Variants in KCNH1 observed in about 807,000 individuals in gnomAD.
KCNH1 encodes voltage-gated delayed rectifier potassium channel KCNH1.
In KCNH1, 27 loss-of-function variants were observed where a neutral mutation model predicts 69.2. The ratio of observed to expected loss-of-function variants is 0.39; its 90% CI spans 0.29 to 0.54. The LOEUF (loss-of-function observed/expected upper bound fraction) is 0.54. KCNH1 is among the 20% of genes least tolerant of loss of function. The pLI is 0.68. For missense variants in KCNH1, 798 were observed against 1,261.6 expected, an observed-to-expected ratio of 0.63 and a Z score of 5.57; for synonymous variants, 456 against 487.7, an observed-to-expected ratio of 0.93 and a Z score of 0.86.
chr1:210,980,365 G>T (rs1360660296), intron 6 of KCNH1, among the ~76,000 whole-genome samples: 1 of 152,140 alleles, frequency 6.6e-6, no homozygotes, highest in African/African-American at 2.4e-5. Flanking sequence ...AACAGGATTT[G>T]CTGCCTTAAG....
intron 7 of KCNH1, chr1:210,861,380 A>G: frequency 1.3e-6 from 1 of 778,618 alleles, no homozygotes; most frequent in East Asian, 2.4e-5. Context: ...AACTTGCTGG[A>G]CACCAACAAC....
chr1:210,861,677 T>C, intron 7 of KCNH1: 9 of 773,398 alleles, frequency 1.2e-5, no homozygotes, highest in South Asian at 1.1e-4. Flanking sequence ...TAGAAGATCT[T>C]GAATATTTGT....
chr1:210,874,367 G>C (rs1267357910), intron 7 of KCNH1, among the ~76,000 whole-genome samples: 4 of 152,192 alleles, frequency 2.6e-5, no homozygotes, highest in Admixed American at 2.0e-4. Flanking sequence ...CTATTACTTA[G>C]AGCTGAAAGC....
chr1:211,027,883 C>T (rs1689712864), intron 5 of KCNH1, among the ~76,000 whole-genome samples: 1 of 152,074 alleles, frequency 6.6e-6, no homozygotes, highest in Non-Finnish European at 1.5e-5. Flanking sequence ...CTCTCAACAA[C>T]TGATAGAGCA....
intron 7 of KCNH1, among the ~76,000 whole-genome samples, chr1:210,909,566 G>A (rs1271938700): frequency 2.0e-5 from 3 of 152,202 alleles, no homozygotes; most frequent in East Asian, 3.9e-4. Context: ...AACGGGCCCA[G>A]GACTTAAGTA....
intron 10 of KCNH1, among the ~76,000 whole-genome samples, chr1:210,689,908 G>A (rs1681492117): frequency 6.6e-6 from 1 of 152,220 alleles, no homozygotes; most frequent in Non-Finnish European, 1.5e-5. Context: ...CAGGTCTGCT[G>A]ACCAGGCTCT....
chr1:210,788,309 C>T (rs1426423387), intron 9 of KCNH1, among the ~76,000 whole-genome samples: 2 of 152,120 alleles, frequency 1.3e-5, no homozygotes, highest in Non-Finnish European at 2.9e-5. Context: ...GTTAAGGTTA[C>T]TCTATATATA....
intron 6 of KCNH1, among the ~76,000 whole-genome samples, chr1:210,937,063 C>A (rs1292610055): frequency 1.3e-5 from 2 of 152,178 alleles, no homozygotes; most frequent in Admixed American, 6.5e-5. Context: ...ACTCTAACAA[C>A]CTTGCTCCCT....
intron 8 of KCNH1, among the ~76,000 whole-genome samples, chr1:210,799,848 A>G (rs1385835991): frequency 6.6e-5 from 10 of 151,952 alleles, no homozygotes; most frequent in Non-Finnish European, 1.5e-4. Flanking sequence ...TCACCTCACC[A>G]CTGATGGCTT....
intron 7 of KCNH1, among the ~76,000 whole-genome samples, chr1:210,880,314 G>C (rs1441628758): frequency 6.6e-6 from 1 of 152,080 alleles, no homozygotes; most frequent in African/African-American, 2.4e-5. Flanking sequence ...AAAACTAGAG[G>C]AGTGACACCA....
intron 3 of KCNH1, among the ~76,000 whole-genome samples, chr1:211,101,942 G>A (rs1444897187): frequency 1.3e-5 from 2 of 152,128 alleles, no homozygotes; most frequent in African/African-American, 4.8e-5. Flanking sequence ...TGATGCCCAG[G>A]CTGACATGCC....
chr1:211,010,610 T>A (rs61850228), intron 6 of KCNH1, among the ~76,000 whole-genome samples: 32,419 of 151,970 alleles, frequency 0.21, 4,400 homozygotes, highest in East Asian at 0.39. Context: ...AGACTAAACC[T>A]AGTCATCTCT....
At chr1:210,816,554 T>C (rs563660539) in intron 7 of KCNH1, among the ~76,000 whole-genome samples, 61 of 152,214 alleles carry the variant, frequency 4.0e-4, no homozygotes, top group Non-Finnish European at 4.9e-4. Context: ...TTGAGCTCGC[T>C]GAGTTCTTGA....
At position 210,801,584 on chromosome 1, in the gene KCNH1, C is replaced by T. The variant is rs150434385; in HGVS notation, c.1662+2383G>A. ...GAGAGGAAGAGAGGGCAAATGCTGA[C>T]GGTGCTGTCTCCCATGGGCAGCCAC... On this transcript the variant is annotated intron_variant, in intron 8 of 10. Coordinates refer to ENST00000271751, the MANE Select transcript of KCNH1 (RefSeq NM_172362.3). 8.8e-4 allele frequency among the ~76,000 whole-genome samples: 134 copies of T among 152,326 alleles called. 2 individuals are homozygous for T. Among genetic ancestry groups the T allele is most frequent in the South Asian group, 1.7e-3 (8 of 4,830 alleles).
intron 1 of KCNH1, chr1:211,132,999 C>T (rs1469671640): frequency 1.3e-5 from 2 of 152,224 alleles, no homozygotes; most frequent in African/African-American, 4.8e-5. Context: ...AGGACTCTCG[C>T]CTCTCAAGGC....
intron 6 of KCNH1, among the ~76,000 whole-genome samples, chr1:210,937,023 T>C (rs910325514): frequency 1.3e-5 from 2 of 152,168 alleles, no homozygotes; most frequent in African/African-American, 2.4e-5. Context: ...ACTCTGTTAA[T>C]TACATCACTT....
chr1:211,022,439 A>G (rs930426759), intron 5 of KCNH1, among the ~76,000 whole-genome samples: 3 of 152,216 alleles, frequency 2.0e-5, no homozygotes, highest in African/African-American at 7.2e-5. Context: ...GGTAAACCTC[A>G]AAAGTACAGG....
At chr1:210,833,406 C>T (rs1685207868) in intron 7 of KCNH1, among the ~76,000 whole-genome samples, 1 of 152,040 alleles carries the variant, frequency 6.6e-6, no homozygotes, top group African/African-American at 2.4e-5. Context: ...TGATCTTTGA[C>T]AAACCTGAGA....
At position 210,831,094 on chromosome 1, in the gene KCNH1, C is replaced by T. The variant is rs572621048; in HGVS notation, c.1463-26928G>A. Among the ~76,000 whole-genome samples the T allele has an allele frequency of 3.2e-4, 48 of 152,304 alleles. 1 individual carries two copies. The South Asian group carries it at 9.5e-3, about 30-fold the overall frequency. On this transcript the variant is annotated intron_variant, in intron 7 of 10. Coordinates refer to ENST00000271751, the MANE Select transcript of KCNH1 (RefSeq NM_172362.3). ...AAGTCTGACCAAGCATTTGAGAAAG[C>T]GTGATTTTGTCATAAAGACACCTGC...
Sources: allele counts gnomAD v4.1 joint callset (sites outside exome capture counted in the v4.1 genomes callset), GRCh38; gene constraint gnomAD v4.1.1; transcripts MANE v1.5; gene names NCBI Gene and HGNC (gene_info 2026-07-23, HGNC 2026-07-21).